The following RBFOX1 variants were observed in gnomAD, a reference collection of about 807,000 sequenced individuals.
The protein encoded by RBFOX1 is RNA binding fox-1 homolog 1.
In RBFOX1, 8 loss-of-function variants were observed where a neutral mutation model predicts 57.7. The ratio of observed to expected loss-of-function variants is 0.14; its 90% CI spans 0.08 to 0.25. RBFOX1 has a LOEUF of 0.25. Ranked by LOEUF, RBFOX1 falls within the 10% of genes least tolerant of loss-of-function variation. The pLI, the probability that RBFOX1 is intolerant of heterozygous loss-of-function variation, is 1.00. For missense variants in RBFOX1, 611 were observed against 548.5 expected, an observed-to-expected ratio of 1.11 and a Z score of -1.14; for synonymous variants, 326 against 222.4, an observed-to-expected ratio of 1.47 and a Z score of -4.15.
At chr16:5,606,555 T>C (rs1596418587) in intron 3 of RBFOX1, among the ~76,000 whole-genome samples, 1 of 152,004 alleles carries the variant, frequency 6.6e-6, no homozygotes, top group African/African-American at 2.4e-5. Context: ...TATATCACAG[T>C]CACTGCTAAG....
chr16:6,074,181 C>T lies in RBFOX1; in HGVS notation c.-127+54189C>T, dbSNP rs916936469. Reference sequence around the variant, plus strand: ...GCCATCATGGTCTTGACCTTCTGACCTTGTGATCCGCCCGCCTCAGCCTAC... The same window carrying T: ...GCCATCATGGTCTTGACCTTCTGACTTTGTGATCCGCCCGCCTCAGCCTAC... On this transcript the variant is annotated intron_variant, in intron 1 of 15. Transcript: ENST00000550418. Among the ~76,000 whole-genome samples the T allele has an allele frequency of 1.3e-4, 20 of 152,116 alleles. 1 individual carries two copies. Among genetic ancestry groups the T allele is most frequent in the African/African-American group, 1.2e-4 (5 of 41,400 alleles).
In RBFOX1 at chr16:7,430,676, G is replaced by A. The variant is rs1041072548; in HGVS notation, c.28-87471G>A. ...CTCCATCTCAAAAAAAAAAAAAAAA[G>A]TACCCACCCATTCTGTGTTTCATCA... is the stretch of plus-strand genomic sequence containing the variant. On this transcript the variant is annotated intron_variant, in intron 4 of 15. Coordinates refer to ENST00000550418, the MANE Select transcript of RBFOX1 (RefSeq NM_018723.4). Among the ~76,000 whole-genome samples, 465 of 110,098 alleles carry A rather than the reference G, an allele frequency of 4.2e-3. 1 individual carries two copies. Among genetic ancestry groups the A allele is most frequent in the Admixed American group, 5.3e-3 (61 of 11,502 alleles). 72.2% of individuals were successfully genotyped at this position (110,098 alleles called of 152,430 possible).
chr16:7,053,346 A>T (rs4786962), intron 4 of RBFOX1, among the ~76,000 whole-genome samples: 14,202 of 152,166 alleles, frequency 0.093, 954 homozygotes, highest in Non-Finnish European at 0.14. Flanking sequence ...CCTTTCCTTC[A>T]TGGAACAGAC....
intron 4 of RBFOX1, among the ~76,000 whole-genome samples, chr16:7,136,060 G>T (rs966777022): frequency 6.6e-6 from 1 of 152,204 alleles, no homozygotes; most frequent in Admixed American, 6.5e-5. Flanking sequence ...GAGCATATTT[G>T]TAACTGAGCA....
Position 5,973,614 on chromosome 16 carries a change from C to G in RBFOX1, c.351+106279C>G, listed in dbSNP as rs539279283. Reference sequence around the variant, plus strand: ...GTCAGGTTGACTAGGCCATGGGGTGCCCAGATATTTGGTCAAGTATTATTC... The same window carrying G: ...GTCAGGTTGACTAGGCCATGGGGTGGCCAGATATTTGGTCAAGTATTATTC... On this transcript the variant is annotated intron_variant, in intron 4 of 19. Coordinates refer to the RBFOX1 transcript ENST00000641259. Among the ~76,000 whole-genome samples, 7 of 152,112 alleles carry G rather than the reference C, an allele frequency of 4.6e-5. No individual in the cohort carries two copies. In the South Asian group the frequency reaches 8.3e-4, roughly 18 times the overall value.
At chr16:5,519,728 A>G (rs985405912) in intron 2 of RBFOX1, among the ~76,000 whole-genome samples, 2 of 152,212 alleles carry the variant, frequency 1.3e-5, no homozygotes, top group Non-Finnish European at 2.9e-5. Context: ...GTGTCTCAGA[A>G]AAAAATGGCT....
chr16:6,720,866 C>T (rs537680200), intron 3 of RBFOX1, among the ~76,000 whole-genome samples: 5 of 152,140 alleles, frequency 3.3e-5, no homozygotes, highest in Non-Finnish European at 5.9e-5. Context: ...GATTCATTCC[C>T]TCTCTTTGCA....
At chr16:6,742,413 A>T (rs2072459179) in intron 3 of RBFOX1, among the ~76,000 whole-genome samples, 1 of 152,226 alleles carries the variant, frequency 6.6e-6, no homozygotes, top group Non-Finnish European at 1.5e-5. Flanking sequence ...TCTTCTGGCA[A>T]ATTGTTTGTA....
At chr16:7,623,209 T>C (rs1005008651) in intron 10 of RBFOX1, among the ~76,000 whole-genome samples, 1 of 152,186 alleles carries the variant, frequency 6.6e-6, no homozygotes, top group Non-Finnish European at 1.5e-5. Flanking sequence ...CCCAACCATT[T>C]TGGCACCCGG....
intron 2 of RBFOX1, among the ~76,000 whole-genome samples, chr16:6,432,100 T>G (rs572156693): frequency 4.5e-4 from 69 of 152,208 alleles, no homozygotes; most frequent in Middle Eastern, 3.4e-3. Flanking sequence ...AAGATGAGAC[T>G]ATAGGTGCAT....
chr16:6,142,868 G>A (rs578212014), intron 1 of RBFOX1, among the ~76,000 whole-genome samples: 35 of 151,954 alleles, frequency 2.3e-4, no homozygotes, highest in African/African-American at 8.2e-4. Context: ...CTCATTCTTC[G>A]GGGCTTCCTC....
At chr16:5,821,085 C>T (rs1247624541) in intron 3 of RBFOX1, among the ~76,000 whole-genome samples, 1 of 152,076 alleles carries the variant, frequency 6.6e-6, no homozygotes, top group Non-Finnish European at 1.5e-5. Flanking sequence ...CTACCAGGGT[C>T]TCTGCAGCAC....
chr16:5,762,094 A>G (rs1366978586), intron 3 of RBFOX1, among the ~76,000 whole-genome samples: 2 of 152,118 alleles, frequency 1.3e-5, no homozygotes, highest in Non-Finnish European at 2.9e-5. Context: ...GAATAAATGA[A>G]TTTTCCTGCA....
chr16:6,383,748 C>T (rs567677159), intron 2 of RBFOX1, among the ~76,000 whole-genome samples: 11 of 151,120 alleles, frequency 7.3e-5, no homozygotes, highest in African/African-American at 9.7e-5. Context: ...CCAGCCTGGG[C>T]GACAGTGCGA....
chr16:6,934,996 G>A (rs2077136658), intron 3 of RBFOX1, among the ~76,000 whole-genome samples: 1 of 152,046 alleles, frequency 6.6e-6, no homozygotes, highest in Non-Finnish European at 1.5e-5. Flanking sequence ...GCTGAGATAG[G>A]AGGACTGCTT....
intron 9 of RBFOX1, among the ~76,000 whole-genome samples, chr16:7,606,110 C>G (rs1413463935): frequency 1.3e-5 from 2 of 148,442 alleles, no homozygotes; most frequent in Non-Finnish European, 3.0e-5. Flanking sequence ...GGTGCCCGAC[C>G]TGCATGGATT....
intron 2 of RBFOX1, 115 bp downstream of exon 2, chr16:6,317,172 C>T: frequency 5.2e-6 from 5 of 960,200 alleles, no homozygotes; most frequent in Non-Finnish European, 4.7e-6. Context: ...ACTTTGCTGC[C>T]TGCCTATGTC....
At chr16:6,076,424 C>T (rs1364621958) in intron 1 of RBFOX1, among the ~76,000 whole-genome samples, 2 of 152,060 alleles carry the variant, frequency 1.3e-5, no homozygotes, top group Non-Finnish European at 2.9e-5. Context: ...AGTAGGTTAG[C>T]GAGTGCCCAT....
intron 4 of RBFOX1, among the ~76,000 whole-genome samples, chr16:7,455,984 A>C (rs1048519257): frequency 1.3e-5 from 2 of 152,104 alleles, no homozygotes; most frequent in African/African-American, 4.8e-5. Flanking sequence ...CCCTTTTATT[A>C]AGGGCAGGGC....
Sources: allele counts gnomAD v4.1 joint callset (sites outside exome capture counted in the v4.1 genomes callset), GRCh38; gene constraint gnomAD v4.1.1; transcripts MANE v1.5; gene names NCBI Gene and HGNC (gene_info 2026-07-23, HGNC 2026-07-21).